The following HIBADH variants were observed in gnomAD, a reference collection of about 807,000 sequenced individuals.
HIBADH encodes 3-hydroxyisobutyrate dehydrogenase, also known as 3-hydroxyisobutyrate dehydrogenase, mitochondrial.
In HIBADH, 25 loss-of-function variants were observed where a neutral mutation model predicts 36.1. That is an observed-to-expected ratio of 0.69 (90% CI 0.50 to 0.97). HIBADH has a LOEUF of 0.97. Ranked by LOEUF, HIBADH falls within the 50% of genes least tolerant of loss-of-function variation. The pLI is 0.00. For missense variants in HIBADH, 421 were observed against 418.0 expected, an observed-to-expected ratio of 1.01 and a Z score of -0.06; for synonymous variants, 160 against 149.5, an observed-to-expected ratio of 1.07 and a Z score of -0.51.
intron 1 of HIBADH, among the ~76,000 whole-genome samples, 199 bp downstream of exon 1, chr7:27,662,499 G>C (rs886348069): frequency 1.3e-5 from 2 of 152,316 alleles, no homozygotes; most frequent in South Asian, 4.1e-4. Flanking sequence ...CGGGAGAAAG[G>C]GAGGGAAGGC....
intron 1 of HIBADH, among the ~76,000 whole-genome samples, chr7:27,650,033 C>T (rs1014363958): frequency 6.6e-6 from 1 of 152,056 alleles, no homozygotes; most frequent in Admixed American, 6.5e-5. Context: ...AAGCATTTTT[C>T]CTGTTTTGTA....
chr7:27,604,145 T>A (rs1583592279), intron 4 of HIBADH, among the ~76,000 whole-genome samples: 2 of 152,160 alleles, frequency 1.3e-5, no homozygotes. Context: ...GCTTCATTAC[T>A]AAATAACATA....
intron 2 of HIBADH, among the ~76,000 whole-genome samples, chr7:27,641,079 A>G (rs1411855021): frequency 6.6e-6 from 1 of 152,180 alleles, no homozygotes. Context: ...GGAGAAAAGC[A>G]GACTCCAGAA....
chr7:27,650,850 C>T (rs1024675590), intron 1 of HIBADH, among the ~76,000 whole-genome samples: 2 of 151,850 alleles, frequency 1.3e-5, no homozygotes, highest in African/African-American at 4.8e-5. Flanking sequence ...CTTTACAGTA[C>T]TATGGAAATA....
At chr7:27,634,699 A>G (rs763836230) in intron 2 of HIBADH, among the ~76,000 whole-genome samples, 2 of 152,242 alleles carry the variant, frequency 1.3e-5, no homozygotes, top group African/African-American at 2.4e-5. Context: ...TTAGGAATTG[A>G]GTTCTCTCCC....
chr7:27,575,808 T>C (rs140196000), intron 4 of HIBADH, among the ~76,000 whole-genome samples: 43 of 152,320 alleles, frequency 2.8e-4, no homozygotes, highest in African/African-American at 9.9e-4. Context: ...GTTTTTATCA[T>C]GTAAGTACGG....
chr7:27,544,569 T>C (rs916831496), intron 4 of HIBADH, among the ~76,000 whole-genome samples: 3 of 152,252 alleles, frequency 2.0e-5, no homozygotes, highest in Non-Finnish European at 4.4e-5. Flanking sequence ...TTTATCAAGA[T>C]GGTAAACCAT....
intron 4 of HIBADH, among the ~76,000 whole-genome samples, chr7:27,571,813 A>C (rs926797474): frequency 3.3e-5 from 5 of 152,182 alleles, no homozygotes; most frequent in Non-Finnish European, 2.9e-5. Flanking sequence ...CTTAAATTTA[A>C]TTATTGGTTG....
chr7:27,579,474 G>A lies in HIBADH; in HGVS notation c.485-36374C>T, dbSNP rs185580375. Among the ~76,000 whole-genome samples, 27 of 152,314 alleles carry A rather than the reference G, an allele frequency of 1.8e-4. 1 individual carries two copies. Among genetic ancestry groups the A allele is most frequent in the Admixed American group, 7.2e-4 (11 of 15,294 alleles). On this transcript the variant is annotated intron_variant, in intron 4 of 7. Transcript: ENST00000265395. The stretch of plus-strand genomic sequence containing the variant: ...ACTGTGTCTTCCAAAAGGGCAGAAA[G>A]TGAAGGAGGAAAAACTTTGGTCCCA...
chr7:27,649,454 T>C lies in HIBADH; in HGVS notation c.252+19A>G. On this transcript the variant is annotated intron_variant, in intron 2 of 7. Coordinates refer to ENST00000265395, the MANE Select transcript of HIBADH (RefSeq NM_152740.4). ...TTTCATTCTCAAAATCTAAAACAAA[T>C]CTAAAGAAAAGGTCTTACCTGTTCA... The C allele has an allele frequency of 6.4e-7, 1 of 1,554,566 alleles. No individual in the cohort carries two copies. The highest frequency in any genetic ancestry group is 1.2e-5 in the South Asian group (1 of 81,088).
intron 4 of HIBADH, among the ~76,000 whole-genome samples, chr7:27,592,963 C>T (rs988134824): frequency 6.6e-6 from 1 of 152,172 alleles, no homozygotes; most frequent in African/African-American, 2.4e-5. Context: ...CATGCTCTTC[C>T]TCTGTGCCTA....
intron 4 of HIBADH, among the ~76,000 whole-genome samples, chr7:27,556,764 G>C (rs904548785): frequency 6.6e-6 from 1 of 152,124 alleles, no homozygotes; most frequent in African/African-American, 2.4e-5. Context: ...GTCTGTTCTT[G>C]AACAAATATG....
intron 3 of HIBADH, among the ~76,000 whole-genome samples, chr7:27,629,708 CA>C (rs199646006): frequency 6.6e-5 from 10 of 151,412 alleles, no homozygotes; most frequent in Middle Eastern, 3.2e-3. Flanking sequence ...TCAAAAGATC[CA>C]AAAAAAACCT....
chr7:27,619,288 C>T (rs1048179153), intron 4 of HIBADH, among the ~76,000 whole-genome samples: 27 of 152,134 alleles, frequency 1.8e-4, no homozygotes, highest in Non-Finnish European at 3.7e-4. Flanking sequence ...ATCATGAAAC[C>T]ACAGATACAC....
chr7:27,548,309 T>C (rs1784264981), intron 4 of HIBADH, among the ~76,000 whole-genome samples: 1 of 152,062 alleles, frequency 6.6e-6, no homozygotes, highest in African/African-American at 2.4e-5. Flanking sequence ...GATCCATTCT[T>C]CAGTGGTCCT....
chr7:27,590,174 C>G (rs1010811791), intron 4 of HIBADH, among the ~76,000 whole-genome samples: 8 of 152,144 alleles, frequency 5.3e-5, no homozygotes, highest in African/African-American at 1.9e-4. Flanking sequence ...TACATCATTT[C>G]ATTTAAGTCT....
intron 5 of HIBADH, among the ~76,000 whole-genome samples, chr7:27,542,483 A>G (rs1053457522): frequency 9.2e-6 from 1 of 109,028 alleles, no homozygotes; most frequent in African/African-American, 3.7e-5. Context: ...TTCTTGCTCT[A>G]TCACCCAGGC....
intron 4 of HIBADH, among the ~76,000 whole-genome samples, chr7:27,613,061 TTTATA>T (rs1277776503): frequency 1.5e-5 from 2 of 133,316 alleles, no homozygotes; most frequent in Non-Finnish European, 3.1e-5. Context: ...TATAATATAA[TTTATA>T]TATATTACAT....
intron 4 of HIBADH, among the ~76,000 whole-genome samples, chr7:27,571,452 T>C (rs1784627934): frequency 6.6e-6 from 1 of 152,182 alleles, no homozygotes; most frequent in Non-Finnish European, 1.5e-5. Flanking sequence ...CTCAAACTCC[T>C]GACCTCAGGT....
Sources: gnomAD v4.1 joint callset for allele counts (sites outside exome capture counted in the v4.1 genomes callset) on GRCh38, gnomAD v4.1.1 for gene constraint, MANE v1.5 for transcripts, NCBI Gene and HGNC (gene_info 2026-07-23, HGNC 2026-07-21) for gene names.